The following SH3RF3 variants were observed in gnomAD, a reference collection of about 807,000 sequenced individuals.
SH3RF3 encodes E3 ubiquitin-protein ligase SH3RF3.
Under a neutral mutation model 66.3 loss-of-function variants are expected in SH3RF3, and 29 were observed. The observed-to-expected ratio is 0.44, with a 90% CI of 0.33 to 0.60. The LOEUF is 0.60. SH3RF3 is among the 20% of genes least tolerant of loss of function. The probability of loss-of-function intolerance (pLI) is 0.04; values close to 1 mark genes in which losing one functional copy is unlikely to be tolerated. For missense variants in SH3RF3, 1,194 were observed against 1,190.9 expected (o/e 1.00, Z -0.04); for synonymous variants, 583 against 532.0 (o/e 1.10, Z -1.32).
intron 1 of SH3RF3, among the ~76,000 whole-genome samples, chr2:109,144,980 G>A (rs1032872889): frequency 6.6e-6 from 1 of 152,232 alleles, no homozygotes; most frequent in African/African-American, 2.4e-5. Context: ...GCTCACACCC[G>A]GCTCCTGGGC....
At chr2:109,413,275 C>CAGCT (rs1171718036) in intron 4 of SH3RF3, among the ~76,000 whole-genome samples, 2 of 152,144 alleles carry the variant, frequency 1.3e-5, no homozygotes, top group Non-Finnish European at 2.9e-5. Context: ...CCACAATGCC[C>CAGCT]AGCTAATTTT....
chr2:109,254,264 A>G (rs1043165632), intron 1 of SH3RF3, among the ~76,000 whole-genome samples: 2 of 152,078 alleles, frequency 1.3e-5, no homozygotes, highest in Admixed American at 1.3e-4. Context: ...GTTTTTCTAG[A>G]GTTTTTAGCA....
intron 8 of SH3RF3, among the ~76,000 whole-genome samples, chr2:109,484,276 A>T (rs2104773176): frequency 6.6e-6 from 1 of 152,256 alleles, no homozygotes; most frequent in African/African-American, 2.4e-5. Flanking sequence ...CATGTTGGCC[A>T]GGCTGGTCTC....
intron 2 of SH3RF3, among the ~76,000 whole-genome samples, chr2:109,348,452 C>G (rs114099646): frequency 6.6e-6 from 1 of 152,166 alleles, no homozygotes; most frequent in Non-Finnish European, 1.5e-5. Context: ...CACCCTGGTG[C>G]GTAGGGATCC....
intron 3 of SH3RF3, among the ~76,000 whole-genome samples, chr2:109,395,636 ACT>A (rs1442915958): frequency 2.0e-5 from 3 of 151,766 alleles, no homozygotes; most frequent in African/African-American, 2.4e-5. Context: ...CCCCACCCTC[ACT>A]CTCTGTCTCC....
At chr2:109,328,283 C>T (rs1409306757) in intron 1 of SH3RF3, among the ~76,000 whole-genome samples, 1 of 152,176 alleles carries the variant, frequency 6.6e-6, no homozygotes, top group Non-Finnish European at 1.5e-5. Flanking sequence ...GCATAGGATT[C>T]CATCTCTCTT....
At chr2:109,346,370 C>T (rs905287772) in intron 1 of SH3RF3, among the ~76,000 whole-genome samples, 2 of 152,110 alleles carry the variant, frequency 1.3e-5, no homozygotes, top group Admixed American at 1.3e-4. Flanking sequence ...AAGAGTTTTT[C>T]GATGTACTAC....
intron 1 of SH3RF3, among the ~76,000 whole-genome samples, chr2:109,336,105 T>A (rs1008714648): frequency 1.3e-5 from 2 of 152,210 alleles, no homozygotes; most frequent in African/African-American, 4.8e-5. Flanking sequence ...GTAAGCTCTT[T>A]AATATTTTAG....
At chr2:109,453,662 G>T (rs752363214) in intron 8 of SH3RF3, among the ~76,000 whole-genome samples, 14 of 152,212 alleles carry the variant, frequency 9.2e-5, no homozygotes, top group Non-Finnish European at 1.2e-4. Flanking sequence ...CTGGCAGAGC[G>T]CAGGCACACG....
At position 109,129,805 on chromosome 2, in the gene SH3RF3, C is replaced by G; in HGVS notation, c.265C>G (p.Arg89Gly). 1 of 1,538,548 alleles carries G rather than the reference C, an allele frequency of 6.5e-7. No homozygotes were observed. ...CTGCCTGGAGAGCATCGTGTGCTCG[C>G]GCCACGAGCTGCGCTGCCCCGAGTG... ...RRCLESIVCS[R>G]HELRCPECRI... The change falls in exon 1 of 10, where the codon CGC becomes GGC. Residue 89 changes from arginine to glycine, a missense_variant. Coordinates refer to ENST00000309415, the MANE Select transcript of SH3RF3 (RefSeq NM_001099289.3).
intron 1 of SH3RF3, among the ~76,000 whole-genome samples, 173 bp from the exon 2 acceptor site, chr2:109,347,501 G>A (rs1244414752): frequency 6.6e-6 from 1 of 152,144 alleles, no homozygotes; most frequent in African/African-American, 2.4e-5. Flanking sequence ...CTCAGAATGT[G>A]CATGTTCCTG....
intron 5 of SH3RF3, 109 bp downstream of exon 5, chr2:109,419,751 T>C: frequency 1.9e-6 from 2 of 1,033,894 alleles, no homozygotes; most frequent in South Asian, 3.1e-5. Flanking sequence ...GTGTTACTAG[T>C]TGGCCAGTAT....
intron 1 of SH3RF3, among the ~76,000 whole-genome samples, chr2:109,257,699 T>C (rs372384625): frequency 7.9e-5 from 12 of 152,106 alleles, no homozygotes; most frequent in East Asian, 3.9e-4. Flanking sequence ...ATTACCTGTT[T>C]CCTGAAGTAG....
At chr2:109,329,152 G>T (rs115367870) in intron 1 of SH3RF3, among the ~76,000 whole-genome samples, 1 of 152,016 alleles carries the variant, frequency 6.6e-6, no homozygotes, top group South Asian at 2.1e-4. Context: ...GGTTTCTCTC[G>T]TGTGGTTTCT....
At chr2:109,247,334 C>G (rs1243695698) in intron 1 of SH3RF3, among the ~76,000 whole-genome samples, 2 of 152,112 alleles carry the variant, frequency 1.3e-5, no homozygotes, top group Non-Finnish European at 2.9e-5. Context: ...TCTCTGCAGC[C>G]CCTCCCTGAA....
intron 1 of SH3RF3, among the ~76,000 whole-genome samples, chr2:109,308,279 T>C (rs1345105164): frequency 1.6e-5 from 2 of 125,798 alleles, no homozygotes; most frequent in East Asian, 4.3e-4. Context: ...TGTTTGTTTT[T>C]TTCTTGTAAA....
At chr2:109,282,977 C>T (rs1680932788) in intron 1 of SH3RF3, among the ~76,000 whole-genome samples, 1 of 152,172 alleles carries the variant, frequency 6.6e-6, no homozygotes, top group Non-Finnish European at 1.5e-5. Flanking sequence ...CTGGGTCCTA[C>T]TCCCTCACGT....
intron 8 of SH3RF3, among the ~76,000 whole-genome samples, chr2:109,468,186 C>G (rs1678409189): frequency 6.6e-6 from 1 of 152,224 alleles, no homozygotes; most frequent in Non-Finnish European, 1.5e-5. Flanking sequence ...CTAGATGGCA[C>G]AGCCTGTGAC....
intron 1 of SH3RF3, among the ~76,000 whole-genome samples, chr2:109,162,786 C>T (rs548300488): frequency 6.6e-6 from 1 of 152,146 alleles, no homozygotes; most frequent in Non-Finnish European, 1.5e-5. Flanking sequence ...GTTCTAGATC[C>T]CCGAGGAATC....
Sources: allele counts gnomAD v4.1 joint callset (sites outside exome capture counted in the v4.1 genomes callset), GRCh38; gene constraint gnomAD v4.1.1; transcripts MANE v1.5; gene names NCBI Gene and HGNC (gene_info 2026-07-23, HGNC 2026-07-21).